GPC5: variants seen among roughly 807,000 people sequenced by gnomAD.
GPC5 encodes glypican-5.
In GPC5, 47 loss-of-function variants were observed where a neutral mutation model predicts 53.9. The ratio of observed to expected loss-of-function variants is 0.87; its 90% CI spans 0.69 to 1.11. GPC5 has a LOEUF of 1.11. Ranked by LOEUF, GPC5 falls within the 50% of genes most tolerant of loss-of-function variation. The pLI is 0.00. For missense variants in GPC5, 748 were observed against 713.1 expected, an observed-to-expected ratio of 1.05 and a Z score of -0.56; for synonymous variants, 286 against 263.3, an observed-to-expected ratio of 1.09 and a Z score of -0.84.
At chr13:91,898,420 A>G (rs1191739458) in intron 5 of GPC5, among the ~76,000 whole-genome samples, 3 of 152,120 alleles carry the variant, frequency 2.0e-5, no homozygotes, top group Non-Finnish European at 4.4e-5. Flanking sequence ...GCTGAAGGGT[A>G]GTGTTTCCTT....
intron 2 of GPC5, among the ~76,000 whole-genome samples, chr13:91,617,328 G>T (rs1484226224): frequency 2.0e-5 from 3 of 152,090 alleles, no homozygotes; most frequent in African/African-American, 4.8e-5. Context: ...TTTAATTTTG[G>T]TTTTTAAGGA....
At chr13:92,795,090 A>C (rs1876618650) in intron 7 of GPC5, among the ~76,000 whole-genome samples, 1 of 152,100 alleles carries the variant, frequency 6.6e-6, no homozygotes, top group South Asian at 2.1e-4. Flanking sequence ...AATCCTAAGC[A>C]AAAAGAACAA....
At chr13:92,184,720 G>T (rs1593972471) in intron 7 of GPC5, among the ~76,000 whole-genome samples, 2 of 152,138 alleles carry the variant, frequency 1.3e-5, no homozygotes, top group Non-Finnish European at 2.9e-5. Context: ...TGTAATGAGA[G>T]AAAGTTTAGA....
At chr13:92,685,545 T>TTTTTTTTTTTTTTTAA (rs1566363603) in intron 7 of GPC5, among the ~76,000 whole-genome samples, 36 of 14,982 alleles carry the variant, frequency 2.4e-3, no homozygotes, top group East Asian at 0.018. Context: ...ATTATGCTCA[T>TTTTTTTTTTTTTTTAA]TTTTTTTTTT....
chr13:92,622,339 T>C (rs1185402597), intron 7 of GPC5, among the ~76,000 whole-genome samples: 2 of 152,204 alleles, frequency 1.3e-5, no homozygotes, highest in African/African-American at 4.8e-5. Context: ...GGGATGGTTA[T>C]AGTTGCTCTG....
intron 7 of GPC5, among the ~76,000 whole-genome samples, chr13:92,595,217 T>C (rs1883830736): frequency 6.6e-6 from 1 of 152,134 alleles, no homozygotes; most frequent in African/African-American, 2.4e-5. Flanking sequence ...TATGCCCCCC[T>C]TTTTCAAAGT....
At chr13:92,650,243 C>T (rs1363713084) in intron 7 of GPC5, among the ~76,000 whole-genome samples, 1 of 152,014 alleles carries the variant, frequency 6.6e-6, no homozygotes, top group African/African-American at 2.4e-5. Context: ...ATTTTGAAGT[C>T]AATGCCATAC....
At chr13:92,746,708 C>T (rs1889249457) in intron 7 of GPC5, among the ~76,000 whole-genome samples, 1 of 152,064 alleles carries the variant, frequency 6.6e-6, no homozygotes, top group Non-Finnish European at 1.5e-5. Flanking sequence ...ACACAATATC[C>T]TGATGTGGGT....
intron 7 of GPC5, among the ~76,000 whole-genome samples, chr13:92,596,224 C>T (rs1883876338): frequency 6.6e-6 from 1 of 152,120 alleles, no homozygotes; most frequent in Non-Finnish European, 1.5e-5. Context: ...TTTTCACTGA[C>T]ATCCATGTTC....
At chr13:91,413,333 A>T (rs1307886463) in intron 1 of GPC5, among the ~76,000 whole-genome samples, 1 of 152,032 alleles carries the variant, frequency 6.6e-6, no homozygotes, top group Admixed American at 6.6e-5. Flanking sequence ...ATTGAAAGGA[A>T]AAAGCAAATA....
chr13:91,612,586 G>A (rs920611323), intron 2 of GPC5, among the ~76,000 whole-genome samples: 3 of 152,154 alleles, frequency 2.0e-5, no homozygotes, highest in African/African-American at 7.2e-5. Flanking sequence ...GTTAGCGAGT[G>A]ATGATACCCA....
At chr13:92,297,847 G>A (rs1467832185) in intron 7 of GPC5, among the ~76,000 whole-genome samples, 2 of 152,000 alleles carry the variant, frequency 1.3e-5, no homozygotes, top group African/African-American at 2.4e-5. Flanking sequence ...CTCACTCTTT[G>A]GGTCCACGCT....
chr13:92,480,886 G>A (rs1396644040), intron 7 of GPC5, among the ~76,000 whole-genome samples: 1 of 152,102 alleles, frequency 6.6e-6, no homozygotes, highest in African/African-American at 2.4e-5. Context: ...GTGTGACCCT[G>A]GAAGCAGAAT....
chr13:92,834,885 GA>G (rs1878172052), intron 7 of GPC5, among the ~76,000 whole-genome samples: 1 of 152,080 alleles, frequency 6.6e-6, no homozygotes, highest in African/African-American at 2.4e-5. Flanking sequence ...CAGAACAAAA[GA>G]CAGGGAATCT....
At chr13:91,592,373 T>C (rs1235288773) in intron 2 of GPC5, among the ~76,000 whole-genome samples, 3 of 152,116 alleles carry the variant, frequency 2.0e-5, no homozygotes, top group Non-Finnish European at 2.9e-5. Flanking sequence ...CCAGGTCTGC[T>C]CCCGAGCCTT....
At chr13:92,628,436 C>G (rs1466588424) in intron 7 of GPC5, among the ~76,000 whole-genome samples, 1 of 151,926 alleles carries the variant, frequency 6.6e-6, no homozygotes, top group East Asian at 1.9e-4. Flanking sequence ...TTCTTTTCCC[C>G]AGGCTAGAGC....
At chr13:92,039,752 T>G (rs947402345) in intron 6 of GPC5, among the ~76,000 whole-genome samples, 2 of 152,154 alleles carry the variant, frequency 1.3e-5, no homozygotes, top group African/African-American at 4.8e-5. Flanking sequence ...CTTCACGTGT[T>G]TTTTTTTCTA....
intron 6 of GPC5, among the ~76,000 whole-genome samples, chr13:91,989,690 A>G (rs889173809): frequency 8.5e-5 from 13 of 152,218 alleles, no homozygotes; most frequent in African/African-American, 3.1e-4. Context: ...CTGGTTCAAT[A>G]AGCAAGTGTT....
chr13:92,435,769 T>C (rs540874817), intron 7 of GPC5, among the ~76,000 whole-genome samples: 5 of 152,318 alleles, frequency 3.3e-5, no homozygotes, highest in Admixed American at 1.3e-4. Flanking sequence ...TTTGTGCTCA[T>C]GGACACAGGC....
Sources: gnomAD v4.1 joint callset for allele counts (sites outside exome capture counted in the v4.1 genomes callset) on GRCh38, gnomAD v4.1.1 for gene constraint, MANE v1.5 for transcripts, NCBI Gene and HGNC (gene_info 2026-07-23, HGNC 2026-07-21) for gene names.